Variants in PRMT3 observed in about 807,000 individuals in gnomAD.
PRMT3 encodes the protein protein arginine N-methyltransferase 3.
PRMT3 carries 62 observed loss-of-function variants against 71.9 expected under a neutral mutation model. The observed-to-expected ratio is 0.86, with a 90% CI of 0.70 to 1.07. The LOEUF is 1.07. Among genes scored for constraint, PRMT3 ranks in the 50% least tolerant of loss-of-function variants. The probability of loss-of-function intolerance (pLI) is 0.00; values close to 1 mark genes in which losing one functional copy is unlikely to be tolerated. For synonymous variants in PRMT3, 213 were observed against 220.4 expected, an observed-to-expected ratio of 0.97 and a Z score of 0.30; for missense variants, 663 against 643.0, an observed-to-expected ratio of 1.03 and a Z score of -0.34.
At chr11:20,460,033 T>C (rs1208336765) in intron 11 of PRMT3, among the ~76,000 whole-genome samples, 1 of 152,184 alleles carries the variant, frequency 6.6e-6, no homozygotes, top group East Asian at 1.9e-4. Context: ...GACTTAGTAC[T>C]ACGTAGTTTT....
At chr11:20,477,490 A>G (rs994632201) in intron 13 of PRMT3, among the ~76,000 whole-genome samples, 1 of 151,918 alleles carries the variant, frequency 6.6e-6, no homozygotes, top group Non-Finnish European at 1.5e-5. Context: ...CTGGAGGTGA[A>G]GGTTCCAATG....
intron 10 of PRMT3, among the ~76,000 whole-genome samples, chr11:20,431,345 A>T (rs1272255561): frequency 2.0e-5 from 3 of 152,172 alleles, no homozygotes; most frequent in African/African-American, 7.2e-5. Flanking sequence ...AAATGAAAAT[A>T]ACAGTATTAC....
At chr11:20,433,149 C>T (rs1007795963) in intron 10 of PRMT3, among the ~76,000 whole-genome samples, 1 of 151,794 alleles carries the variant, frequency 6.6e-6, no homozygotes, top group African/African-American at 2.4e-5. Context: ...ATTTCATCAC[C>T]TAGGTACTAA....
intron 10 of PRMT3, among the ~76,000 whole-genome samples, chr11:20,449,403 G>A (rs896468914): frequency 1.3e-5 from 2 of 151,960 alleles, no homozygotes; most frequent in Middle Eastern, 3.2e-3. Flanking sequence ...AACAAATGTA[G>A]TATAATACAC....
At chr11:20,405,083 T>C (rs1849041770) in intron 8 of PRMT3, among the ~76,000 whole-genome samples, 1 of 152,120 alleles carries the variant, frequency 6.6e-6, no homozygotes, top group Admixed American at 6.5e-5. Context: ...CTTTTTTCCT[T>C]CCCTTCTCTC....
rs112997273 is a variant in PRMT3 at position 20,426,845 on chromosome 11, G to T, written c.973G>T (p.Val325Phe). ...TCATCTTCCTGTAGAAAAAGTAGATGTTATCATATCTGAGTGGATGGTGAG... is the reference window on the plus strand; with the variant it reads ...TCATCTTCCTGTAGAAAAAGTAGATTTTATCATATCTGAGTGGATGGTGAG... ...EVHLPVEKVD[V>F]IISEWMGYFL... The change falls in exon 10 of 16, where the codon GTT becomes TTT. Residue 325 changes from valine to phenylalanine, a missense_variant. By Grantham distance (50) the Val-to-Phe change is conservative. Coordinates refer to ENST00000331079, the MANE Select transcript of PRMT3 (RefSeq NM_005788.4). The T allele has an allele frequency of 7.2e-6, 11 of 1,529,512 alleles. No homozygotes were observed. Among genetic ancestry groups the T allele is most frequent in the Non-Finnish European group, 9.6e-6 (11 of 1,150,318 alleles). 94.7% of individuals were successfully genotyped at this position (1,529,512 alleles called of 1,614,324 possible). A position where few individuals can be genotyped will look rare whatever the true frequency, so the allele number is the denominator to read the frequency against.
At chr11:20,454,662 C>T (rs1850228519) in intron 11 of PRMT3, among the ~76,000 whole-genome samples, 1 of 152,094 alleles carries the variant, frequency 6.6e-6, no homozygotes, top group Non-Finnish European at 1.5e-5. Flanking sequence ...TTTAGATGCT[C>T]ATTGTTTTAT....
intron 9 of PRMT3, among the ~76,000 whole-genome samples, chr11:20,413,254 A>G (rs770364018): frequency 6.6e-6 from 1 of 152,144 alleles, no homozygotes; most frequent in Non-Finnish European, 1.5e-5. Context: ...AATGCCTTCT[A>G]TTCCTCTGTG....
intron 13 of PRMT3, among the ~76,000 whole-genome samples, chr11:20,483,889 GTAAT>G (rs1415293224): frequency 2.6e-5 from 4 of 152,204 alleles, no homozygotes; most frequent in Non-Finnish European, 1.5e-5. Flanking sequence ...TTAGTGGGAA[GTAAT>G]TAATTGTACA....
At chr11:20,427,740 A>G (rs1186531617) in intron 10 of PRMT3, among the ~76,000 whole-genome samples, 1 of 152,144 alleles carries the variant, frequency 6.6e-6, no homozygotes, top group Non-Finnish European at 1.5e-5. Context: ...AAAAAAATGT[A>G]TTTGACAGCT....
At chr11:20,494,127 C>A (rs1318219853) in intron 14 of PRMT3, 40 bp from the exon 15 acceptor site, 22 of 1,536,940 alleles carry the variant, frequency 1.4e-5, no homozygotes, top group Non-Finnish European at 2.0e-5. Context: ...TATTAAAAAT[C>A]TTGTACTTCA....
chr11:20,398,786 G>A (rs906457101), intron 7 of PRMT3, among the ~76,000 whole-genome samples: 8 of 152,152 alleles, frequency 5.3e-5, no homozygotes, highest in Non-Finnish European at 1.0e-4. Flanking sequence ...AGGAGTAATA[G>A]GCTATCTTAC....
intron 15 of PRMT3, among the ~76,000 whole-genome samples, chr11:20,501,733 G>A (rs1851463093): frequency 6.6e-6 from 1 of 152,156 alleles, no homozygotes; most frequent in South Asian, 2.1e-4. Context: ...CTTAAAGTTT[G>A]AATTCAGGGT....
chr11:20,429,708 T>C (rs1401414850), intron 10 of PRMT3, among the ~76,000 whole-genome samples: 1 of 152,250 alleles, frequency 6.6e-6, no homozygotes, highest in African/African-American at 2.4e-5. Flanking sequence ...TTCCTTGTTT[T>C]AAGTGAGTTG....
At chr11:20,420,867 G>A (rs1849410127) in intron 9 of PRMT3, among the ~76,000 whole-genome samples, 1 of 152,100 alleles carries the variant, frequency 6.6e-6, no homozygotes, top group Non-Finnish European at 1.5e-5. Flanking sequence ...CCTAGCCAAT[G>A]CACTAATATG....
At chr11:20,450,328 AT>A (rs1850120703) in intron 10 of PRMT3, among the ~76,000 whole-genome samples, 1 of 152,096 alleles carries the variant, frequency 6.6e-6, no homozygotes, top group African/African-American at 2.4e-5. Flanking sequence ...CCATTTAATA[AT>A]TCCTTGGCAT....
chr11:20,476,994 C>T (rs1850805661), intron 13 of PRMT3, among the ~76,000 whole-genome samples: 1 of 152,126 alleles, frequency 6.6e-6, no homozygotes, highest in South Asian at 2.1e-4. Flanking sequence ...TCCTAGCTAG[C>T]TAGCGGGAGG....
At chr11:20,457,799 A>AT (rs1195896342) in intron 11 of PRMT3, among the ~76,000 whole-genome samples, 1 of 152,136 alleles carries the variant, frequency 6.6e-6, no homozygotes, top group Non-Finnish European at 1.5e-5. Context: ...TTCCTTTAGT[A>AT]TTTTCATAAC....
chr11:20,392,548 A>G (rs1848736992), intron 4 of PRMT3, among the ~76,000 whole-genome samples: 1 of 152,144 alleles, frequency 6.6e-6, no homozygotes, highest in Admixed American at 6.5e-5. Flanking sequence ...GATCTGTAAA[A>G]TCAGAAATAA....
Sources: allele counts gnomAD v4.1 joint callset (sites outside exome capture counted in the v4.1 genomes callset), GRCh38; gene constraint gnomAD v4.1.1; transcripts MANE v1.5; gene names NCBI Gene and HGNC (gene_info 2026-07-23, HGNC 2026-07-21).